The following PCDH15 variants were observed in gnomAD, a reference collection of about 807,000 sequenced individuals.
PCDH15 encodes the protein protocadherin related 15.
In PCDH15, 129 loss-of-function variants were observed where a neutral mutation model predicts 178.5. The observed-to-expected ratio is 0.72, with a 90% CI of 0.63 to 0.84. The LOEUF is 0.84. Ranked by LOEUF, PCDH15 falls within the 40% of genes least tolerant of loss-of-function variation. PCDH15 has a pLI of 0.00. For missense variants in PCDH15, 2,230 were observed against 2,099.9 expected (o/e 1.06, Z -1.21); for synonymous variants, 800 against 732.0 (o/e 1.09, Z -1.50).
At chr10:54,190,641 A>T (rs2048904202) in intron 11 of PCDH15, among the ~76,000 whole-genome samples, 1 of 152,178 alleles carries the variant, frequency 6.6e-6, no homozygotes, top group East Asian at 1.9e-4. Context: ...CCTGGCCTCA[A>T]GCCATCCTCC....
chr10:53,923,272 G>A (rs1334859467), intron 25 of PCDH15, among the ~76,000 whole-genome samples: 1 of 152,034 alleles, frequency 6.6e-6, no homozygotes, highest in Non-Finnish European at 1.5e-5. Flanking sequence ...TTACATAGGG[G>A]ACTAATTAGG....
intron 13 of PCDH15, among the ~76,000 whole-genome samples, chr10:54,167,743 C>A (rs1169526964): frequency 6.6e-6 from 1 of 151,900 alleles, no homozygotes; most frequent in Non-Finnish European, 1.5e-5. Flanking sequence ...ATTTCCGCAC[C>A]CCAACCTCTT....
At chr10:53,966,625 T>G (rs1348174547) in intron 21 of PCDH15, among the ~76,000 whole-genome samples, 1 of 152,054 alleles carries the variant, frequency 6.6e-6, no homozygotes, top group Non-Finnish European at 1.5e-5. Context: ...GTGGCTTTAA[T>G]CTTGGAAAAA....
chr10:55,447,737 A>C (rs1025464637), intron 2 of PCDH15, among the ~76,000 whole-genome samples: 1 of 152,118 alleles, frequency 6.6e-6, no homozygotes, highest in Non-Finnish European at 1.5e-5. Context: ...AATTAAGATT[A>C]GAATTATGTT....
chr10:54,016,951 C>T (rs996011000), intron 20 of PCDH15, among the ~76,000 whole-genome samples: 3 of 152,112 alleles, frequency 2.0e-5, no homozygotes, highest in African/African-American at 7.2e-5. Context: ...CCGACCATTC[C>T]CTAAACCTTT....
At chr10:53,890,892 C>T (rs2081510973) in intron 26 of PCDH15, among the ~76,000 whole-genome samples, 1 of 152,142 alleles carries the variant, frequency 6.6e-6, no homozygotes, top group African/African-American at 2.4e-5. Context: ...TGCGGGTTTC[C>T]CTTAAGGTAA....
intron 8 of PCDH15, among the ~76,000 whole-genome samples, chr10:54,256,624 T>C (rs1383506496): frequency 6.6e-6 from 1 of 152,212 alleles, no homozygotes; most frequent in African/African-American, 2.4e-5. Flanking sequence ...AAGGCTGCTG[T>C]TTCCTCACAT....
At chr10:53,870,694 T>C (rs1423259067) in intron 26 of PCDH15, among the ~76,000 whole-genome samples, 3 of 152,162 alleles carry the variant, frequency 2.0e-5, no homozygotes, top group Non-Finnish European at 4.4e-5. Context: ...TTATAACAAA[T>C]ACATATTTTA....
chr10:54,178,504 A>G (rs1483499347), intron 13 of PCDH15, among the ~76,000 whole-genome samples: 4 of 152,126 alleles, frequency 2.6e-5, no homozygotes, highest in African/African-American at 7.2e-5. Context: ...TATTGCATCA[A>G]AAAAATAGAA....
At chr10:55,011,157 T>G (rs1358747737) in intron 2 of PCDH15, among the ~76,000 whole-genome samples, 1 of 152,146 alleles carries the variant, frequency 6.6e-6, no homozygotes, top group South Asian at 2.1e-4. Context: ...AGAACTATGA[T>G]ATGATTAATG....
At chr10:55,219,785 A>G (rs1840817243) in intron 1 of PCDH15, among the ~76,000 whole-genome samples, 1 of 151,746 alleles carries the variant, frequency 6.6e-6, no homozygotes, top group Non-Finnish European at 1.5e-5. Flanking sequence ...ATGAGTACAT[A>G]GCAAGGAAAA....
rs1417458474 is a variant in PCDH15 at position 54,875,859 on chromosome 10, G to A, written c.-29+21591C>T. ...AAGGTGAAGCAGCAAGTGCTGATGT[G>A]GAGCTGCAGCAGGTTATCCAGAAAA... On this transcript the variant is annotated intron_variant, in intron 3 of 5. Coordinates refer to the PCDH15 transcript ENST00000458638. Among the ~76,000 whole-genome samples the A allele has an allele frequency of 2.0e-5, 3 of 152,258 alleles. No homozygotes were observed. The East Asian group carries it at 5.8e-4, about 29-fold the overall frequency.
intron 2 of PCDH15, among the ~76,000 whole-genome samples, chr10:54,539,653 C>T (rs1375536456): frequency 1.3e-5 from 2 of 152,116 alleles, no homozygotes; most frequent in Non-Finnish European, 1.5e-5. Flanking sequence ...ACAGGACACT[C>T]CATATATCAA....
chr10:55,386,026 ATTTG>A (rs1837651696), intron 2 of PCDH15, among the ~76,000 whole-genome samples: 1 of 151,806 alleles, frequency 6.6e-6, no homozygotes, highest in Admixed American at 6.6e-5. Context: ...GTGAATATAA[ATTTG>A]TTTGACTATC....
At chr10:55,064,655 A>C (rs1435204863) in intron 2 of PCDH15, among the ~76,000 whole-genome samples, 1 of 152,080 alleles carries the variant, frequency 6.6e-6, no homozygotes, top group African/African-American at 2.4e-5. Context: ...TATTTTTCTC[A>C]AAAAGGTACT....
chr10:54,779,417 T>C (rs1424369121), intron 1 of PCDH15, among the ~76,000 whole-genome samples: 1 of 129,758 alleles, frequency 7.7e-6, no homozygotes, highest in African/African-American at 2.8e-5. Context: ...TATATATATA[T>C]ATATACACAC....
At chr10:55,359,865 T>C (rs1361103274) in intron 2 of PCDH15, among the ~76,000 whole-genome samples, 1 of 151,624 alleles carries the variant, frequency 6.6e-6, no homozygotes, top group African/African-American at 2.4e-5. Flanking sequence ...TAGGGTTTTA[T>C]GCTAAGTGAA....
rs1246027644 is a variant in PCDH15 at position 54,622,676 on chromosome 10, A to T, written c.91+41496T>A. ...ATACTATATAATATATATTATATATAATATATATTATATAATATATATTTT... is the reference window on the plus strand; with the variant it reads ...ATACTATATAATATATATTATATATTATATATATTATATAATATATATTTT... On this transcript the variant is annotated intron_variant, in intron 2 of 37. Coordinates refer to ENST00000644397, the MANE Select transcript of PCDH15 (RefSeq NM_001384140.1). Among the ~76,000 whole-genome samples the T allele has an allele frequency of 3.1e-3, 238 of 77,442 alleles. 4 individuals are homozygous for T. The highest frequency in any genetic ancestry group is 0.011 in the African/African-American group (210 of 18,414). The allele number at this position is 77,442 out of a possible 152,430, so 50.8% of individuals were successfully genotyped here. A position where few individuals can be genotyped will look rare whatever the true frequency, so the allele number is the denominator to read the frequency against.
intron 8 of PCDH15, among the ~76,000 whole-genome samples, chr10:54,238,905 C>G (rs112468012): frequency 1.6e-3 from 250 of 152,108 alleles, no homozygotes; most frequent in Middle Eastern, 3.4e-3. Context: ...CTGTATCACT[C>G]CTGGTTCATA....
Sources: gnomAD v4.1 joint callset for allele counts (sites outside exome capture counted in the v4.1 genomes callset) on GRCh38, gnomAD v4.1.1 for gene constraint, MANE v1.5 for transcripts, NCBI Gene and HGNC (gene_info 2026-07-23, HGNC 2026-07-21) for gene names.